The following INTS9 variants were observed in gnomAD, a reference collection of about 807,000 sequenced individuals.
INTS9 encodes protein related to CPSF subunits of 74 kDa.
INTS9 carries 55 observed loss-of-function variants against 79.7 expected under a neutral mutation model. That is an observed-to-expected ratio of 0.69 (90% CI 0.56 to 0.86). The LOEUF (loss-of-function observed/expected upper bound fraction) is 0.86. INTS9 is among the 40% of genes least tolerant of loss of function. The pLI is 0.00. For missense variants in INTS9, 721 were observed against 831.5 expected, an observed-to-expected ratio of 0.87 and a Z score of 1.64; for synonymous variants, 319 against 325.2, an observed-to-expected ratio of 0.98 and a Z score of 0.20.
chr8:28,854,951 A>C (rs1332506928), intron 2 of INTS9, among the ~76,000 whole-genome samples: 2 of 152,182 alleles, frequency 1.3e-5, no homozygotes, highest in South Asian at 2.1e-4. Context: ...ATGTCACTAC[A>C]AAGGGCATGA....
intron 13 of INTS9, 114 bp downstream of exon 13, chr8:28,777,715 G>C: frequency 8.1e-7 from 1 of 1,232,472 alleles, no homozygotes; most frequent in Non-Finnish European, 1.1e-6. Flanking sequence ...AGATGCGTGA[G>C]AACTGAAGAC....
intron 8 of INTS9, among the ~76,000 whole-genome samples, chr8:28,805,175 T>C (rs2131010727): frequency 6.6e-6 from 1 of 152,258 alleles, no homozygotes; most frequent in Non-Finnish European, 1.5e-5. Context: ...CTTACAAATA[T>C]TAAAGTGAAA....
At chr8:28,864,996 A>C (rs927037453) in intron 1 of INTS9, among the ~76,000 whole-genome samples, 9 of 152,172 alleles carry the variant, frequency 5.9e-5, no homozygotes, top group Non-Finnish European at 7.4e-5. Context: ...AAAAAAAAAA[A>C]AAAAACAAAG....
rs1805543195 is a variant in INTS9 at position 28,817,279 on chromosome 8, T to C, written c.489-3667A>G. Among the ~76,000 whole-genome samples, 3 of 152,098 alleles carry C rather than the reference T, an allele frequency of 2.0e-5. No individual in the cohort carries two copies. In the South Asian group the frequency reaches 6.2e-4, roughly 32 times the overall value. ...CCTAGGTTTTCTTCTAGGGTTTTTA[T>C]GGTTTTAGGTCTAACGTTTAAGTCT... On this transcript the variant is annotated intron_variant, in intron 6 of 16. Transcript: ENST00000521022.
chr8:28,771,070 G>GA lies in INTS9; in HGVS notation c.1573dup (p.Ser525PhefsTer25). On this transcript the variant is annotated frameshift_variant, in exon 15 of 17. Transcript: ENST00000521022. LOFTEE classifies it high-confidence loss of function. ...AGGCTTGATCTCCATGGGCACCAGT[G>GA]AATCTGCGAGCTGAAAGCAAAGGGC... The GA allele has an allele frequency of 6.2e-7, 1 of 1,608,900 alleles. No homozygotes were observed. Among genetic ancestry groups the GA allele is most frequent in the Non-Finnish European group, 8.5e-7 (1 of 1,177,602 alleles).
At position 28,795,093 on chromosome 8, in the gene INTS9, G is replaced by A. The variant is rs139476742; in HGVS notation, c.857-1106C>T. 6.5e-3 allele frequency among the ~76,000 whole-genome samples: 990 copies of A among 152,330 alleles called. 5 individuals are homozygous for A. The highest frequency in any genetic ancestry group is 0.023 in the African/African-American group (951 of 41,576). The stretch of plus-strand genomic sequence containing the variant: ...TTAATTTCTAAGAACAGTGCCTTCC[G>A]TGTAAATATAAGATGACCACTTCTT... On this transcript the variant is annotated intron_variant, in intron 9 of 16. Transcript: ENST00000521022.
intron 11 of INTS9, 121 bp from the exon 12 acceptor site, chr8:28,781,115 T>C: frequency 2.7e-6 from 2 of 747,692 alleles, no homozygotes; most frequent in Non-Finnish European, 4.3e-6. Context: ...AAGCCACGGA[T>C]TGGGAGAAAA....
chr8:28,878,589 T>C (rs1359224504), intron 1 of INTS9, among the ~76,000 whole-genome samples: 1 of 150,274 alleles, frequency 6.7e-6, no homozygotes, highest in African/African-American at 2.4e-5. Context: ...CCCAAAGTGC[T>C]GGGATTATAG....
intron 2 of INTS9, among the ~76,000 whole-genome samples, chr8:28,856,497 C>CT (rs1808169064): frequency 6.6e-6 from 1 of 152,140 alleles, no homozygotes; most frequent in Non-Finnish European, 1.5e-5. Flanking sequence ...TCATGGCTCA[C>CT]TGCAGCCTCG....
At position 28,862,547 on chromosome 8, in the gene INTS9, A is replaced by C. The variant is rs146597430; in HGVS notation, c.10-2984T>G. 3.0e-3 allele frequency among the ~76,000 whole-genome samples: 461 copies of C among 152,270 alleles called. 1 individual carries two copies. The highest frequency in any genetic ancestry group is 0.011 in the African/African-American group (438 of 41,542). ...CGTAAGTCTTTTTCCATACTGGACT[A>C]TTTTTTTAAGATGATTCCCAGAAGT... On this transcript the variant is annotated intron_variant, in intron 1 of 16. Coordinates refer to ENST00000521022, the MANE Select transcript of INTS9 (RefSeq NM_018250.4).
intron 8 of INTS9, 39 bp from the exon 9 acceptor site, chr8:28,796,694 A>G (rs752511667): frequency 1.6e-6 from 2 of 1,221,284 alleles, no homozygotes; most frequent in Non-Finnish European, 2.4e-6. Context: ...TAATTTTAAA[A>G]GGAACATTAC....
intron 6 of INTS9, among the ~76,000 whole-genome samples, chr8:28,834,210 G>A (rs1047384087): frequency 1.3e-5 from 2 of 152,084 alleles, no homozygotes; most frequent in Non-Finnish European, 2.9e-5. Flanking sequence ...TTAGATCAAG[G>A]CTTTGTCATC....
intron 1 of INTS9, among the ~76,000 whole-genome samples, chr8:28,877,367 T>C (rs1489595335): frequency 2.0e-5 from 3 of 152,130 alleles, no homozygotes; most frequent in Non-Finnish European, 2.9e-5. Flanking sequence ...AAATTTAAAA[T>C]ATAATGACAT....
intron 8 of INTS9, among the ~76,000 whole-genome samples, chr8:28,803,193 G>A (rs1345236356): frequency 6.6e-6 from 1 of 152,108 alleles, no homozygotes; most frequent in African/African-American, 2.4e-5. Context: ...ACTATGCTGG[G>A]GAATTTCACA....
At chr8:28,845,991 T>C (rs1002241790) in intron 4 of INTS9, among the ~76,000 whole-genome samples, 8 of 152,312 alleles carry the variant, frequency 5.3e-5, no homozygotes, top group African/African-American at 1.9e-4. Context: ...CTCCAAATTC[T>C]TTTTCTCTTT....
chr8:28,857,077 A>G (rs1485958176), intron 2 of INTS9, among the ~76,000 whole-genome samples: 3 of 152,142 alleles, frequency 2.0e-5, no homozygotes, highest in Non-Finnish European at 1.5e-5. Context: ...GCTGGGTAGT[A>G]TTCCATGGTG....
intron 3 of INTS9, among the ~76,000 whole-genome samples, chr8:28,847,531 T>TGCCACCTCCACCAAA (rs1807597672): frequency 6.6e-6 from 1 of 151,534 alleles, no homozygotes; most frequent in Admixed American, 6.6e-5. Context: ...AAACCACCAC[T>TGCCACCTCCACCAAA]GCCACCACGA....
intron 1 of INTS9, 48 bp downstream of exon 1, chr8:28,889,826 A>C (rs372524242): frequency 6.2e-7 from 1 of 1,608,770 alleles, no homozygotes; most frequent in Non-Finnish European, 8.5e-7. Flanking sequence ...AGAGGTCCAA[A>C]AGGTTATAGC....
intron 2 of INTS9, among the ~76,000 whole-genome samples, chr8:28,858,040 G>A (rs1409850838): frequency 1.3e-5 from 2 of 152,148 alleles, no homozygotes; most frequent in Non-Finnish European, 2.9e-5. Context: ...AGGACCATGA[G>A]AACAGTAGAA....
Sources: allele counts gnomAD v4.1 joint callset (sites outside exome capture counted in the v4.1 genomes callset), GRCh38; gene constraint gnomAD v4.1.1; transcripts MANE v1.5; gene names NCBI Gene and HGNC (gene_info 2026-07-23, HGNC 2026-07-21).